CADM2: variants seen among roughly 807,000 people sequenced by gnomAD.
The protein encoded by CADM2 is immunoglobulin superfamily member 4D.
CADM2 carries 12 observed loss-of-function variants against 49.8 expected under a neutral mutation model. That is an observed-to-expected ratio of 0.24 (90% CI 0.15 to 0.39). The LOEUF (loss-of-function observed/expected upper bound fraction) is 0.39, where lower values mean the gene tolerates loss of function less well. CADM2 is among the 10% of genes least tolerant of loss of function. CADM2 has a pLI of 1.00. For synonymous variants in CADM2, 214 were observed against 175.4 expected (o/e 1.22, Z -1.74); for missense variants, 378 against 492.3 (o/e 0.77, Z 2.20).
chr3:85,045,930 A>G (rs2062430), intron 1 of CADM2, among the ~76,000 whole-genome samples: 13,357 of 152,194 alleles, frequency 0.088, 1,116 homozygotes, highest in Admixed American at 0.26. Context: ...TAGACATCTT[A>G]GGAACATTGG....
chr3:85,001,868 C>T lies in CADM2; in HGVS notation c.61+42200C>T, dbSNP rs116576377. ...ATTCTTAATCCCACTCCTTCTTCAG[C>T]GAAGACACTCAGATTTCGAATAATT... is the stretch of plus-strand genomic sequence containing the variant. On this transcript the variant is annotated intron_variant, in intron 1 of 9. Coordinates refer to ENST00000383699, the MANE Select transcript of CADM2 (RefSeq NM_001167675.2). 6.2e-3 allele frequency among the ~76,000 whole-genome samples: 941 copies of T among 152,060 alleles called. 14 individuals are homozygous for T. Among genetic ancestry groups the T allele is most frequent in the African/African-American group, 0.022 (898 of 41,480 alleles).
At chr3:85,269,083 A>G (rs1330943998) in intron 1 of CADM2, among the ~76,000 whole-genome samples, 1 of 151,488 alleles carries the variant, frequency 6.6e-6, no homozygotes, top group Non-Finnish European at 1.5e-5. Context: ...TGCTTTGATT[A>G]GAAATTAAAA....
intron 1 of CADM2, among the ~76,000 whole-genome samples, chr3:85,458,900 T>C (rs2038114129): frequency 1.3e-5 from 2 of 152,238 alleles, no homozygotes; most frequent in Non-Finnish European, 2.9e-5. Flanking sequence ...AGGTGAATCA[T>C]ATTGCATGCT....
intron 1 of CADM2, among the ~76,000 whole-genome samples, chr3:85,157,336 C>A (rs1199670210): frequency 6.6e-6 from 1 of 151,308 alleles, no homozygotes; most frequent in Non-Finnish European, 1.5e-5. Flanking sequence ...TTGGAAAAAA[C>A]TACTTTAAAG....
At chr3:85,395,296 C>T (rs1453895060) in intron 1 of CADM2, among the ~76,000 whole-genome samples, 1 of 75,542 alleles carries the variant, frequency 1.3e-5, no homozygotes, top group African/African-American at 4.3e-5. Context: ...AGACTCCATA[C>T]AAAAAAAAAA....
At chr3:85,939,262 C>T (rs1247934565) in intron 7 of CADM2, among the ~76,000 whole-genome samples, 2 of 152,026 alleles carry the variant, frequency 1.3e-5, no homozygotes, top group East Asian at 3.9e-4. Context: ...CTTGACACTA[C>T]TATAGAAGCA....
At chr3:85,892,261 G>C (rs960159185) in intron 5 of CADM2, among the ~76,000 whole-genome samples, 2 of 152,198 alleles carry the variant, frequency 1.3e-5, no homozygotes, top group Admixed American at 1.3e-4. Flanking sequence ...TGGAGTAAAA[G>C]CAAGCATTAA....
intron 1 of CADM2, among the ~76,000 whole-genome samples, chr3:85,038,825 C>A (rs2035322486): frequency 1.3e-5 from 2 of 151,766 alleles, no homozygotes. Flanking sequence ...GACTATAATG[C>A]CAAGATAAAA....
At chr3:85,938,638 G>A (rs1184604749) in intron 7 of CADM2, among the ~76,000 whole-genome samples, 1 of 151,900 alleles carries the variant, frequency 6.6e-6, no homozygotes, top group East Asian at 1.9e-4. Context: ...CGTTGTCAAA[G>A]TTCTACTCCA....
At chr3:85,489,513 A>G (rs2039570839) in intron 1 of CADM2, among the ~76,000 whole-genome samples, 2 of 152,154 alleles carry the variant, frequency 1.3e-5, no homozygotes, top group African/African-American at 4.8e-5. Context: ...GTAAACATCA[A>G]TACATGAACA....
chr3:85,066,440 G>A (rs2036532676), intron 1 of CADM2, among the ~76,000 whole-genome samples: 2 of 151,756 alleles, frequency 1.3e-5, no homozygotes, highest in Admixed American at 6.6e-5. Context: ...AACTATTGGG[G>A]GTTCAAACTG....
intron 1 of CADM2, among the ~76,000 whole-genome samples, chr3:85,395,315 AAGG>A (rs2034727831): frequency 6.8e-6 from 1 of 147,060 alleles, no homozygotes. Flanking sequence ...AAAAAAAAAA[AAGG>A]AAAGAAAAAG....
chr3:85,843,573 C>T lies in CADM2; in HGVS notation c.239-39718C>T, dbSNP rs369414867. On this transcript the variant is annotated intron_variant, in intron 3 of 9. Transcript: ENST00000383699. ...AAATATTTATATGAGGTTTTGTAAC[C>T]ATCCCATTATGTTGATTTTCAATAG... Among the ~76,000 whole-genome samples, 163 of 151,968 alleles carry T rather than the reference C, an allele frequency of 1.1e-3. 1 individual carries two copies. In the Middle Eastern group the frequency reaches 0.02, roughly 19 times the overall value.
rs201512906 is a variant in CADM2, at chr3:85,290,167, AG to A, written c.61+330500del. Among the ~76,000 whole-genome samples the A allele has an allele frequency of 5.3e-3, 814 of 152,274 alleles. 4 individuals are homozygous for A. Among genetic ancestry groups the A allele is most frequent in the African/African-American group, 0.019 (772 of 41,560 alleles). ...TCAGGGAGTTCCCTTTCCGAGTCAA[AG>A]AAAGGGGTGACAGGCACCTGGAAAA... On this transcript the variant is annotated intron_variant, in intron 1 of 9. Coordinates refer to ENST00000383699, the MANE Select transcript of CADM2 (RefSeq NM_001167675.2).
At chr3:85,614,394 TA>T (rs1223160616) in intron 1 of CADM2, among the ~76,000 whole-genome samples, 1 of 151,698 alleles carries the variant, frequency 6.6e-6, no homozygotes, top group African/African-American at 2.4e-5. Flanking sequence ...ATATACTAGT[TA>T]AAATAAGTAA....
At chr3:85,763,917 C>A (rs1297484170) in intron 2 of CADM2, among the ~76,000 whole-genome samples, 1 of 152,090 alleles carries the variant, frequency 6.6e-6, no homozygotes, top group African/African-American at 2.4e-5. Context: ...GCCTACTTGC[C>A]TCCTTTTCTC....
chr3:85,607,108 CA>C (rs1181580855), intron 1 of CADM2, among the ~76,000 whole-genome samples: 2 of 151,838 alleles, frequency 1.3e-5, no homozygotes, highest in African/African-American at 4.8e-5. Flanking sequence ...TGCCCAACAT[CA>C]TAAAACTTTT....
At chr3:85,936,646 T>C (rs1338176167) in intron 7 of CADM2, among the ~76,000 whole-genome samples, 1 of 151,860 alleles carries the variant, frequency 6.6e-6, no homozygotes, top group Non-Finnish European at 1.5e-5. Flanking sequence ...TTGTTCTTTG[T>C]ATATAACTAT....
At chr3:85,790,309 A>G (rs904421460) in intron 2 of CADM2, among the ~76,000 whole-genome samples, 2 of 152,210 alleles carry the variant, frequency 1.3e-5, no homozygotes, top group African/African-American at 4.8e-5. Context: ...GTCCTGTCAT[A>G]GACACAGCAC....
Sources: allele counts gnomAD v4.1 joint callset (sites outside exome capture counted in the v4.1 genomes callset), GRCh38; gene constraint gnomAD v4.1.1; transcripts MANE v1.5; gene names NCBI Gene and HGNC (gene_info 2026-07-23, HGNC 2026-07-21).